The following SGPP2 variants were observed in gnomAD, a reference collection of about 807,000 sequenced individuals.
SGPP2 encodes sphingosine 1-phosphate phosphohydrolase 2.
In SGPP2, 30 loss-of-function variants were observed where a neutral mutation model predicts 33.9. That is an observed-to-expected ratio of 0.89 (90% confidence interval 0.66 to 1.20). The LOEUF is 1.20. SGPP2 is among the 50% of genes most tolerant of loss of function. The pLI, the probability that SGPP2 is intolerant of heterozygous loss-of-function variation, is 0.00. For missense variants in SGPP2, 458 were observed against 532.1 expected, an observed-to-expected ratio of 0.86 and a Z score of 1.37; for synonymous variants, 233 against 225.0, an observed-to-expected ratio of 1.04 and a Z score of -0.32.
intron 2 of SGPP2, among the ~76,000 whole-genome samples, chr2:222,491,722 T>G (rs1698200027): frequency 6.6e-6 from 1 of 152,138 alleles, no homozygotes; most frequent in Non-Finnish European, 1.5e-5. Flanking sequence ...CATCCTCATA[T>G]TTCAACACAC....
intron 2 of SGPP2, among the ~76,000 whole-genome samples, chr2:222,494,393 G>A (rs1698244498): frequency 6.6e-6 from 1 of 152,262 alleles, no homozygotes; most frequent in African/African-American, 2.4e-5. Flanking sequence ...TAGAGATAGA[G>A]AGAATGTTCA....
intron 1 of SGPP2, chr2:222,452,408 C>A (rs922868679): frequency 2.1e-5 from 16 of 758,896 alleles, no homozygotes; most frequent in Non-Finnish European, 3.1e-5. Flanking sequence ...CTTCACAGAT[C>A]TTCAAGTTGT....
At chr2:222,508,802 C>G (rs1698482793) in intron 2 of SGPP2, among the ~76,000 whole-genome samples, 1 of 152,084 alleles carries the variant, frequency 6.6e-6, no homozygotes, top group African/African-American at 2.4e-5. Flanking sequence ...TGTCAGTTTG[C>G]TGATTATCTT....
At chr2:222,435,051 C>CACACATAT (rs1025088414) in intron 1 of SGPP2, among the ~76,000 whole-genome samples, 5 of 136,808 alleles carry the variant, frequency 3.7e-5, no homozygotes, top group Non-Finnish European at 6.4e-5. Context: ...TATATATATA[C>CACACATAT]ACACATATAC....
At chr2:222,430,586 T>G (rs1431951630) in intron 1 of SGPP2, among the ~76,000 whole-genome samples, 1 of 152,182 alleles carries the variant, frequency 6.6e-6, no homozygotes, top group East Asian at 1.9e-4. Flanking sequence ...CCCAAAGTGC[T>G]GGGATTGCAG....
At chr2:222,428,920 T>A (rs1697112200) in intron 1 of SGPP2, among the ~76,000 whole-genome samples, 1 of 151,062 alleles carries the variant, frequency 6.6e-6, no homozygotes, top group South Asian at 2.1e-4. Context: ...GCCTCCCAAG[T>A]AGCTGGGATT....
chr2:222,520,205 G>A (rs1327025988), intron 2 of SGPP2, among the ~76,000 whole-genome samples: 1 of 151,954 alleles, frequency 6.6e-6, no homozygotes, highest in African/African-American at 2.4e-5. Flanking sequence ...TAATAATAGC[G>A]ATTCTGACTG....
intron 2 of SGPP2, among the ~76,000 whole-genome samples, chr2:222,516,720 C>G (rs141434210): frequency 2.0e-3 from 312 of 152,268 alleles, no homozygotes; most frequent in Non-Finnish European, 2.4e-3. Context: ...CACGTCCTCA[C>G]CAACACTTGA....
chr2:222,507,049 T>C (rs755564817), intron 2 of SGPP2, among the ~76,000 whole-genome samples: 3 of 152,022 alleles, frequency 2.0e-5, no homozygotes, highest in African/African-American at 7.2e-5. Context: ...AGTGTCCCAG[T>C]GTAGGTCCAC....
chr2:222,434,987 C>CACAT (rs1697213902), intron 1 of SGPP2, among the ~76,000 whole-genome samples: 2 of 147,014 alleles, frequency 1.4e-5, no homozygotes, highest in African/African-American at 5.1e-5. Flanking sequence ...CACACACACA[C>CACAT]ACACACACAC....
chr2:222,519,074 C>T (rs777691429), intron 2 of SGPP2, among the ~76,000 whole-genome samples: 2 of 152,184 alleles, frequency 1.3e-5, no homozygotes, highest in African/African-American at 2.4e-5. Context: ...TTCTTCATAG[C>T]GGGTTTTGTT....
chr2:222,432,786 C>G (rs769215611), intron 1 of SGPP2, among the ~76,000 whole-genome samples: 2 of 152,122 alleles, frequency 1.3e-5, no homozygotes, highest in Non-Finnish European at 2.9e-5. Flanking sequence ...CTTTAGGAGG[C>G]AAAGGCGGGT....
In SGPP2 at chr2:222,424,850, C is replaced by T. The variant is rs948332232; in HGVS notation, c.219+29C>T. 7.2e-5 allele frequency: 95 copies of T among 1,310,470 alleles called. 1 individual carries two copies. The highest frequency in any genetic ancestry group is 8.9e-5 in the Non-Finnish European group (92 of 1,030,072). The allele number at this position is 1,310,470 out of a possible 1,614,324, so 81.2% of individuals were successfully genotyped here. A position where few individuals can be genotyped will look rare whatever the true frequency, so the allele number is the denominator to read the frequency against. ...ACCATGGGCAGGTGTTCGCCGGGTA[C>T]GGGGAGGGGGCGGCTGCGGACGTGC... On this transcript the variant is annotated intron_variant, in intron 1 of 4. Coordinates refer to ENST00000321276, the MANE Select transcript of SGPP2 (RefSeq NM_152386.4).
chr2:222,516,805 A>G (rs1350005222), intron 2 of SGPP2, among the ~76,000 whole-genome samples: 1 of 152,226 alleles, frequency 6.6e-6, no homozygotes, highest in African/African-American at 2.4e-5. Flanking sequence ...TTGTTTAATA[A>G]AAATATAAAT....
chr2:222,541,084 T>G (rs1002844726), intron 4 of SGPP2, among the ~76,000 whole-genome samples: 4 of 152,214 alleles, frequency 2.6e-5, no homozygotes, highest in African/African-American at 9.7e-5. Flanking sequence ...TCCAAAGTGC[T>G]GGGATTACAG....
At chr2:222,498,886 G>A (rs1387651675) in intron 2 of SGPP2, among the ~76,000 whole-genome samples, 1 of 152,100 alleles carries the variant, frequency 6.6e-6, no homozygotes, top group African/African-American at 2.4e-5. Context: ...ATTGTTTATG[G>A]TGAGTTTAGA....
At chr2:222,499,506 C>T (rs536978174) in intron 2 of SGPP2, among the ~76,000 whole-genome samples, 176 of 152,312 alleles carry the variant, frequency 1.2e-3, no homozygotes, top group African/African-American at 3.9e-3. Flanking sequence ...TCATCTAACC[C>T]CAGGGCATGA....
At chr2:222,558,232 A>T (rs189277665) in intron 4 of SGPP2, 115 bp from the exon 5 acceptor site, 295 of 1,190,484 alleles carry the variant, frequency 2.5e-4, no homozygotes, top group Admixed American at 7.2e-4. Context: ...CTGTAAAATA[A>T]AACAATGCAA....
At chr2:222,515,530 T>C (rs1698591808) in intron 2 of SGPP2, among the ~76,000 whole-genome samples, 1 of 151,698 alleles carries the variant, frequency 6.6e-6, no homozygotes, top group African/African-American at 2.4e-5. Context: ...GGTTTCACCA[T>C]ATTGGTCAGG....
Sources: allele counts gnomAD v4.1 joint callset (sites outside exome capture counted in the v4.1 genomes callset), GRCh38; gene constraint gnomAD v4.1.1; transcripts MANE v1.5; gene names NCBI Gene and HGNC (gene_info 2026-07-23, HGNC 2026-07-21).